Variants in CCDC171 observed in about 807,000 individuals in gnomAD.
CCDC171 encodes the protein coiled-coil domain containing 171, also known as coiled-coil domain-containing protein 171.
Under a neutral mutation model 168.2 loss-of-function variants are expected in CCDC171, and 177 were observed. The observed-to-expected ratio is 1.05, with a 90% CI of 0.93 to 1.19. CCDC171 has a LOEUF of 1.19. CCDC171 is among the 50% of genes most tolerant of loss of function. CCDC171 has a pLI of 0.00. For synonymous variants in CCDC171, 687 were observed against 540.8 expected, an observed-to-expected ratio of 1.27 and a Z score of -3.75; for missense variants, 1,991 against 1,539.0, an observed-to-expected ratio of 1.29 and a Z score of -4.91.
At chr9:15,873,781 C>G (rs1007345606) in intron 23 of CCDC171, among the ~76,000 whole-genome samples, 1 of 152,034 alleles carries the variant, frequency 6.6e-6, no homozygotes, top group African/African-American at 2.4e-5. Context: ...AGTGTGATAT[C>G]AACTGCATGT....
At chr9:15,798,997 C>G (rs2058688236) in intron 21 of CCDC171, among the ~76,000 whole-genome samples, 1 of 151,324 alleles carries the variant, frequency 6.6e-6, no homozygotes, top group Admixed American at 6.6e-5. Flanking sequence ...CTTTCATTCT[C>G]TTTGTGTTGT....
chr9:15,825,704 A>C (rs2059983160), intron 21 of CCDC171, among the ~76,000 whole-genome samples: 1 of 152,118 alleles, frequency 6.6e-6, no homozygotes, highest in South Asian at 2.1e-4. Context: ...TTTTTAAAGA[A>C]GAAAATTGGT....
chr9:15,870,359 G>A (rs2061982421), intron 23 of CCDC171, among the ~76,000 whole-genome samples: 1 of 151,844 alleles, frequency 6.6e-6, no homozygotes, highest in Non-Finnish European at 1.5e-5. Flanking sequence ...AGGATAATGA[G>A]AATGGAGATT....
chr9:15,623,165 A>G (rs7863088), intron 6 of CCDC171, 102 bp from the exon 7 acceptor site: 336,614 of 709,624 alleles, frequency 0.47, 82,855 homozygotes, highest in East Asian at 0.76. Context: ...CTATTATTAT[A>G]GTTGAAGCAC....
intron 18 of CCDC171, among the ~76,000 whole-genome samples, chr9:15,750,201 A>C (rs1308155584): frequency 6.6e-6 from 1 of 152,224 alleles, no homozygotes; most frequent in Non-Finnish European, 1.5e-5. Flanking sequence ...CTCTACATAA[A>C]TAAACTAGAA....
chr9:16,105,080 T>C, the CCDC171 span, among the ~76,000 whole-genome samples: 1 of 152,206 alleles, frequency 6.6e-6, no homozygotes, highest in African/African-American at 2.4e-5. Flanking sequence ...TCCCATTTGC[T>C]TGCCAAAGAC....
intron 11 of CCDC171, among the ~76,000 whole-genome samples, chr9:15,702,940 G>C (rs2051881053): frequency 6.8e-6 from 1 of 146,434 alleles, no homozygotes; most frequent in African/African-American, 2.5e-5. Context: ...GTCTCACTCT[G>C]TTGCCCAGGC....
chr9:15,858,072 C>T (rs2061414342), intron 23 of CCDC171, among the ~76,000 whole-genome samples: 7 of 151,892 alleles, frequency 4.6e-5, no homozygotes, highest in Admixed American at 4.6e-4. Flanking sequence ...GGCTGGAGTG[C>T]AGTGGCATGA....
At chr9:15,997,281 T>C (rs371565862) in intron 3 of CCDC171, among the ~76,000 whole-genome samples, 84 of 152,214 alleles carry the variant, frequency 5.5e-4, no homozygotes, top group African/African-American at 2.0e-3. Context: ...AGAAGTCCTG[T>C]TTGGGGCAGA....
chr9:15,623,463 A>ACGCGCGC lies in CCDC171; in HGVS notation c.822+50_822+51insCGCGCGC, dbSNP rs144676393. On this transcript the variant is annotated intron_variant, in intron 7 of 25. Transcript: ENST00000380701. ...TATATATGCGTACAAACTTTCACAT[A>ACGCGCGC]TGCGCGCGCGCGCACACACACACAC... 150 of 636,464 alleles carry ACGCGCGC rather than the reference A, an allele frequency of 2.4e-4. 6 individuals carry two copies. Among genetic ancestry groups the ACGCGCGC allele is most frequent in the Non-Finnish European group, 3.3e-4 (127 of 389,314 alleles). 39.4% of individuals were successfully genotyped at this position (636,464 alleles called of 1,614,324 possible). A position where few individuals can be genotyped will look rare whatever the true frequency, so the allele number is the denominator to read the frequency against.
chr9:15,879,583 A>G (rs1355189038), intron 24 of CCDC171, among the ~76,000 whole-genome samples: 1 of 152,110 alleles, frequency 6.6e-6, no homozygotes, highest in Admixed American at 6.6e-5. Context: ...CTCTTGGGCC[A>G]TACTATTTGT....
chr9:15,926,584 T>A (rs570237051), intron 25 of CCDC171, among the ~76,000 whole-genome samples: 1 of 151,784 alleles, frequency 6.6e-6, no homozygotes, highest in South Asian at 2.1e-4. Flanking sequence ...CAGAAGGCTT[T>A]AGAATCAGGC....
intron 24 of CCDC171, among the ~76,000 whole-genome samples, chr9:15,908,771 A>G (rs760792933): frequency 1.2e-4 from 18 of 152,156 alleles, no homozygotes; most frequent in Non-Finnish European, 1.6e-4. Flanking sequence ...CAGAAGGTGA[A>G]TGGGGAGCAG....
At chr9:15,964,182 C>A (rs1410113121) in intron 25 of CCDC171, among the ~76,000 whole-genome samples, 2 of 152,154 alleles carry the variant, frequency 1.3e-5, no homozygotes, top group Non-Finnish European at 1.5e-5. Flanking sequence ...TTTTCTCTTA[C>A]AACTGAACTC....
At chr9:15,809,021 T>A (rs2059206246) in intron 21 of CCDC171, among the ~76,000 whole-genome samples, 1 of 152,172 alleles carries the variant, frequency 6.6e-6, no homozygotes, top group African/African-American at 2.4e-5. Context: ...GCCTTATTTA[T>A]ATAAGGGCAC....
At chr9:16,068,810 T>C in the CCDC171 span, among the ~76,000 whole-genome samples, 4 of 143,012 alleles carry the variant, frequency 2.8e-5, no homozygotes, top group African/African-American at 9.8e-5. Flanking sequence ...GGGCAGTTTC[T>C]TTGCTCACAC....
At chr9:16,033,470 G>A (rs752270757) in intron 6 of CCDC171, among the ~76,000 whole-genome samples, 4 of 152,198 alleles carry the variant, frequency 2.6e-5, no homozygotes, top group Admixed American at 2.0e-4. Flanking sequence ...TCTGGGTTGC[G>A]TTCCTTGCGA....
intron 3 of CCDC171, among the ~76,000 whole-genome samples, chr9:15,577,382 G>T (rs1038012618): frequency 3.3e-5 from 5 of 152,088 alleles, no homozygotes; most frequent in South Asian, 2.1e-4. Flanking sequence ...AGTTAAGTGC[G>T]TTCATTACTT....
At chr9:16,050,138 T>G (rs1280433814) in intron 1 of CCDC171, among the ~76,000 whole-genome samples, 1 of 152,200 alleles carries the variant, frequency 6.6e-6, no homozygotes, top group Non-Finnish European at 1.5e-5. Context: ...TCACCTGCCT[T>G]GGCCTCCCAA....
Sources: gnomAD v4.1 joint callset for allele counts (sites outside exome capture counted in the v4.1 genomes callset) on GRCh38, gnomAD v4.1.1 for gene constraint, MANE v1.5 for transcripts, NCBI Gene and HGNC (gene_info 2026-07-23, HGNC 2026-07-21) for gene names.